The following APOL5 variants were observed in gnomAD, a reference collection of about 807,000 sequenced individuals.
APOL5 encodes apolipoprotein L5.
In APOL5, 29 loss-of-function variants were observed where a neutral mutation model predicts 35.5. That is an observed-to-expected ratio of 0.82 (90% CI 0.61 to 1.11). The LOEUF (loss-of-function observed/expected upper bound fraction) is 1.11, where lower values mean the gene tolerates loss of function less well. Among genes scored for constraint, APOL5 ranks in the 50% most tolerant of loss-of-function variants. The pLI, the probability that APOL5 is intolerant of heterozygous loss-of-function variation, is 0.00. For missense variants in APOL5, 514 were observed against 530.4 expected, an observed-to-expected ratio of 0.97 and a Z score of 0.30; for synonymous variants, 188 against 200.2, an observed-to-expected ratio of 0.94 and a Z score of 0.51.
At chr22:35,710,388 C>T in the APOL5 span, among the ~76,000 whole-genome samples, 1 of 151,202 alleles carries the variant, frequency 6.6e-6, no homozygotes, top group Non-Finnish European at 1.5e-5. Context: ...GTGATCCTCC[C>T]GCCTTGGCCT....
the APOL5 span, among the ~76,000 whole-genome samples, chr22:35,709,913 A>G: frequency 6.6e-6 from 1 of 151,640 alleles, no homozygotes; most frequent in African/African-American, 2.4e-5. Flanking sequence ...TTACCTTGCC[A>G]TGTTTCCTCT....
chr22:35,727,023 G>A lies in APOL5; in HGVS notation c.955G>A (p.Asp319Asn). 1 of 1,614,112 alleles carries A rather than the reference G, an allele frequency of 6.2e-7. No individual in the cohort carries two copies. Among genetic ancestry groups the A allele is most frequent in the Non-Finnish European group, 8.5e-7 (1 of 1,179,992 alleles). ...SFLQSWKHLE[D>N]GARTETAEEL... Reference sequence around the variant, plus strand: ...CCTGCAGAGCTGGAAGCACCTGGAGGATGGGGCAAGGACGGAGACAGCAGA... The same window carrying A: ...CCTGCAGAGCTGGAAGCACCTGGAGAATGGGGCAAGGACGGAGACAGCAGA... The change falls in exon 3 of 5, where the codon GAT (aspartate) becomes AAT (asparagine). Residue 319 changes from aspartate to asparagine, a missense_variant. Asp to Asn is a conservative substitution (Grantham distance 23). Transcript: ENST00000249044.
At chr22:35,729,278 G>T (rs1271622281) in intron 4 of APOL5, 76 bp from the exon 5 acceptor site, 1 of 175,356 alleles carries the variant, frequency 5.7e-6, no homozygotes, top group African/African-American at 2.4e-5. Flanking sequence ...GAGCTCAAGT[G>T]AACCCACTGT....
upstream of APOL5, among the ~76,000 whole-genome samples, chr22:35,713,100 T>A (rs1926638509): frequency 1.3e-5 from 2 of 152,228 alleles, no homozygotes; most frequent in Non-Finnish European, 2.9e-5. Flanking sequence ...TTTTCTTTTC[T>A]CTGAAATTTG....
upstream of APOL5, among the ~76,000 whole-genome samples, chr22:35,715,285 T>A (rs1338943085): frequency 6.6e-6 from 1 of 152,022 alleles, no homozygotes; most frequent in East Asian, 1.9e-4. Flanking sequence ...TCTAATAGAG[T>A]CATCTCCCAA....
At chr22:35,711,698 G>A in the APOL5 span, among the ~76,000 whole-genome samples, 7 of 111,276 alleles carry the variant, frequency 6.3e-5, no homozygotes, top group Admixed American at 2.1e-4. Flanking sequence ...CTTCCCTCAC[G>A]GAGTTTTGCT....
At chr22:35,709,900 C>G in the APOL5 span, among the ~76,000 whole-genome samples, 5 of 151,964 alleles carry the variant, frequency 3.3e-5, no homozygotes, top group African/African-American at 9.7e-5. Flanking sequence ...TGCTTTCCTC[C>G]TGTTACCTTG....
Position 35,726,483 on chromosome 22 carries a change from C to T in APOL5, c.415C>T (p.Leu139=), listed in dbSNP as rs772600028. 1 of 1,614,206 alleles carries T rather than the reference C, an allele frequency of 6.2e-7. No individual in the cohort carries two copies. The highest frequency in any genetic ancestry group is 1.1e-5 in the South Asian group (1 of 91,090). ...TTHELLTKTS[L]VASSSGAVSG... Reference sequence around the variant, plus strand: ...TCACGAGTTGCTTACCAAGACCAGCCTGGTGGCCAGCTCTTCCGGGGCTGT... The same window carrying T: ...TCACGAGTTGCTTACCAAGACCAGCTTGGTGGCCAGCTCTTCCGGGGCTGT... Residue 139 remains leucine, a synonymous_variant, in exon 3 of 5, where the codon CTG becomes TTG. Coordinates refer to ENST00000249044, the MANE Select transcript of APOL5 (RefSeq NM_030642.1).
chr22:35,709,688 T>C, the APOL5 span, among the ~76,000 whole-genome samples: 2 of 152,224 alleles, frequency 1.3e-5, no homozygotes, highest in Non-Finnish European at 2.9e-5. Flanking sequence ...GAGCATATGT[T>C]GGCATTAGCA....
chr22:35,718,629 G>A (rs1224847884), intron 1 of APOL5, among the ~76,000 whole-genome samples: 1 of 147,140 alleles, frequency 6.8e-6, no homozygotes, highest in East Asian at 2.0e-4. Flanking sequence ...ACGCCAAAGT[G>A]CCATGATAAG....
In APOL5 at chr22:35,727,104, C is replaced by T. The variant is rs1927194591; in HGVS notation, c.1036C>T (p.His346Tyr). The T allele has an allele frequency of 6.2e-7, 1 of 1,610,520 alleles. No homozygotes were observed. Among genetic ancestry groups the T allele is most frequent in the Non-Finnish European group, 8.5e-7 (1 of 1,180,000 alleles). The change falls in exon 3 of 5, where the codon CAC (histidine) becomes TAC (tyrosine). Residue 346 changes from histidine (H) to tyrosine (Y), a missense_variant. Coordinates refer to ENST00000249044, the MANE Select transcript of APOL5 (RefSeq NM_030642.1). ...LEQELDRLTQ[H>Y]HRHLPQKASQ... ...GCAGGAGCTGGACCGGCTCACCCAG[C>T]ACCACCGGCACCTGCCGCAGAAGGC...
intron 2 of APOL5, among the ~76,000 whole-genome samples, chr22:35,723,687 G>A (rs1190995806): frequency 1.3e-5 from 2 of 152,214 alleles, no homozygotes; most frequent in South Asian, 4.1e-4. Flanking sequence ...TGGGTTGGGC[G>A]TGATGGCTCA....
At chr22:35,714,032 C>A (rs2145991924), upstream of APOL5, among the ~76,000 whole-genome samples, 1 of 152,266 alleles carries the variant, frequency 6.6e-6, no homozygotes, top group African/African-American at 2.4e-5. Flanking sequence ...TCTGTGTTGG[C>A]CGGGCGCGGT....
rs2146004580 is a variant in APOL5 at position 35,726,373 on chromosome 22, TTCTC to T, written c.308_311del (p.Leu103HisfsTer10). 1 of 1,614,122 alleles carries T rather than the reference TTCTC, an allele frequency of 6.2e-7. No individual in the cohort carries two copies. Among genetic ancestry groups the T allele is most frequent in the East Asian group, 2.2e-5 (1 of 44,884 alleles). ...AATCTGTCAGAGGAGGAAAAATTGT[TTCTC>T]TCATATTTTCCTTTGCACAAGTTTG... is the stretch of plus-strand genomic sequence containing the variant. On this transcript the variant is annotated frameshift_variant, in exon 3 of 5. Transcript: ENST00000249044. LOFTEE classifies it high-confidence loss of function.
At position 35,720,554 on chromosome 22, in the gene APOL5, T is replaced by G; in HGVS notation, c.56-14T>G. 6.2e-7 allele frequency: 1 copy of G among 1,613,580 alleles called. No individual in the cohort carries two copies. Among genetic ancestry groups the G allele is most frequent in the Non-Finnish European group, 8.5e-7 (1 of 1,179,448 alleles). On this transcript the variant is annotated splice_polypyrimidine_tract_variant and intron_variant, in intron 1 of 4. Transcript: ENST00000249044. ...ACTCAAGAAGAAATGTCCCTGATCC[T>G]TGTCCATCTCCAGGCTTGGGAGAAG...
Position 35,728,808 on chromosome 22 carries a change from AG to A in APOL5, c.1213del (p.Val405SerfsTer39). The stretch of plus-strand genomic sequence containing the variant: ...TGGCACTGAGGACACCAAAGAGGAC[AG>A]TCTCTGCCCCAAGGATGCTTGGCCA... ...GVALRTPKRT[V>X]SAPRMLGHQP... On this transcript the variant is annotated frameshift_variant, in exon 4 of 5. Transcript: ENST00000249044. LOFTEE classifies it low-confidence loss of function (END_TRUNC). The A allele has an allele frequency of 6.2e-7, 1 of 1,613,476 alleles. No homozygotes were observed. The highest frequency in any genetic ancestry group is 8.5e-7 in the Non-Finnish European group (1 of 1,179,774).
At chr22:35,714,948 C>T (rs1405517729), upstream of APOL5, among the ~76,000 whole-genome samples, 1 of 152,186 alleles carries the variant, frequency 6.6e-6, no homozygotes, top group African/African-American at 2.4e-5. Context: ...GTAGTTCTTT[C>T]TCGCTCTCAG....
intron 1 of APOL5, among the ~76,000 whole-genome samples, chr22:35,719,981 C>T (rs1245271879): frequency 6.6e-6 from 1 of 152,236 alleles, no homozygotes; most frequent in Non-Finnish European, 1.5e-5. Context: ...TCTCCTCCAA[C>T]TGCCTTTGGC....
At chr22:35,717,235 A>AAAAAAAT, upstream of APOL5, among the ~76,000 whole-genome samples, 48 of 57,660 alleles carry the variant, frequency 8.3e-4, no homozygotes, top group South Asian at 4.2e-3. Context: ...AAAAAAAAAA[A>AAAAAAAT]ATATATATAT....
Sources: allele counts gnomAD v4.1 joint callset (sites outside exome capture counted in the v4.1 genomes callset), GRCh38; gene constraint gnomAD v4.1.1; transcripts MANE v1.5; gene names NCBI Gene and HGNC (gene_info 2026-07-23, HGNC 2026-07-21).